The following CPNE8 variants were observed in gnomAD, a reference collection of about 807,000 sequenced individuals.
CPNE8 encodes the protein copine-8.
CPNE8 carries 45 observed loss-of-function variants against 81.5 expected under a neutral mutation model. The ratio of observed to expected loss-of-function variants is 0.55; its 90% CI spans 0.44 to 0.71. CPNE8 has a LOEUF of 0.71. Ranked by LOEUF, CPNE8 falls within the 30% of genes least tolerant of loss-of-function variation. The pLI is 0.00. For synonymous variants in CPNE8, 252 were observed against 226.3 expected, an observed-to-expected ratio of 1.11 and a Z score of -1.02; for missense variants, 594 against 672.1, an observed-to-expected ratio of 0.88 and a Z score of 1.28.
At chr12:38,711,366 T>TGGG (rs1940252308) in intron 13 of CPNE8, among the ~76,000 whole-genome samples, 2 of 152,034 alleles carry the variant, frequency 1.3e-5, no homozygotes, top group Admixed American at 6.6e-5. Flanking sequence ...GACTTTGAAA[T>TGGG]GGAGAGCTCT....
chr12:38,881,689 G>A (rs1481914077), intron 1 of CPNE8, among the ~76,000 whole-genome samples: 2 of 152,166 alleles, frequency 1.3e-5, no homozygotes, highest in African/African-American at 2.4e-5. Context: ...GCATTCAACC[G>A]TGATTGATAT....
At chr12:38,862,993 A>C (rs1349539417) in intron 3 of CPNE8, among the ~76,000 whole-genome samples, 2 of 152,182 alleles carry the variant, frequency 1.3e-5, no homozygotes, top group Admixed American at 1.3e-4. Flanking sequence ...ATGAGAAAAA[A>C]AAATTAGTTG....
intron 14 of CPNE8, among the ~76,000 whole-genome samples, chr12:38,694,123 G>T (rs1375008078): frequency 6.6e-6 from 1 of 152,020 alleles, no homozygotes; most frequent in East Asian, 1.9e-4. Context: ...TGTTCTGGAA[G>T]TATAAAAGTA....
chr12:38,738,561 T>A (rs1758549629), intron 10 of CPNE8, among the ~76,000 whole-genome samples: 1 of 152,160 alleles, frequency 6.6e-6, no homozygotes, highest in African/African-American at 2.4e-5. Context: ...TAAAAGACCA[T>A]CCTACCACTT....
chr12:38,865,232 G>C (rs1943897753), intron 3 of CPNE8, among the ~76,000 whole-genome samples: 1 of 152,186 alleles, frequency 6.6e-6, no homozygotes, highest in South Asian at 2.1e-4. Flanking sequence ...CCATTTGGCA[G>C]TATCTACTGA....
chr12:38,677,916 T>C (rs1216459718), intron 16 of CPNE8, among the ~76,000 whole-genome samples: 1 of 152,126 alleles, frequency 6.6e-6, no homozygotes, highest in African/African-American at 2.4e-5. Flanking sequence ...ACCTAAGCTA[T>C]GTGAAAGTTA....
chr12:38,721,455 G>T (rs189329832), intron 13 of CPNE8, among the ~76,000 whole-genome samples: 2 of 152,050 alleles, frequency 1.3e-5, no homozygotes, highest in Admixed American at 6.5e-5. Context: ...CACTAGGGGC[G>T]CCCTGGCTGC....
In CPNE8 at chr12:38,806,817, C is replaced by G. The variant is rs567722757; in HGVS notation, c.407+22562G>C. On this transcript the variant is annotated intron_variant, in intron 6 of 19. Transcript: ENST00000331366. ...AGGAAAAGAGGAAGTCAAATTGTCC[C>G]TGTTTGCAGATGACATGCTGGTATA... is the stretch of plus-strand genomic sequence containing the variant. Among the ~76,000 whole-genome samples, 143 of 149,638 alleles carry G rather than the reference C, an allele frequency of 9.6e-4. 1 individual carries two copies. The highest frequency in any genetic ancestry group is 3.3e-3 in the African/African-American group (137 of 41,342).
rs143329966 is a variant in CPNE8, at chr12:38,850,962, G to A, written c.187-2300C>T. On this transcript the variant is annotated intron_variant, in intron 3 of 19. Coordinates refer to ENST00000331366, the MANE Select transcript of CPNE8 (RefSeq NM_153634.3). ...TTTAAGAAGTGATTAGGCCATGAGG[G>A]CACCTTTCTCATGAATGGCAGGAAG... 2.7e-3 allele frequency among the ~76,000 whole-genome samples: 415 copies of A among 152,260 alleles called. 4 individuals are homozygous for A. The highest frequency in any genetic ancestry group is 8.5e-3 in the African/African-American group (353 of 41,530).
At chr12:38,848,765 T>C in intron 3 of CPNE8, 103 bp from the exon 4 acceptor site, 3 of 1,347,040 alleles carry the variant, frequency 2.2e-6, no homozygotes, top group Non-Finnish European at 2.9e-6. Context: ...AAGCAATAAA[T>C]ATCCAAATAA....
intron 1 of CPNE8, among the ~76,000 whole-genome samples, chr12:38,876,957 G>A (rs1944076641): frequency 6.6e-6 from 1 of 152,162 alleles, no homozygotes; most frequent in African/African-American, 2.4e-5. Context: ...TTCACATTAA[G>A]TAAAATAAGA....
At chr12:38,889,379 C>T (rs1393731442) in intron 1 of CPNE8, among the ~76,000 whole-genome samples, 2 of 152,134 alleles carry the variant, frequency 1.3e-5, no homozygotes, top group Non-Finnish European at 2.9e-5. Context: ...GAGATAACAA[C>T]GTGAGGCCAA....
At chr12:38,865,339 G>T (rs1943898787) in intron 3 of CPNE8, among the ~76,000 whole-genome samples, 1 of 152,150 alleles carries the variant, frequency 6.6e-6, no homozygotes, top group Non-Finnish European at 1.5e-5. Flanking sequence ...GTACAAGATT[G>T]TTCTAGACAG....
intron 4 of CPNE8, among the ~76,000 whole-genome samples, chr12:38,844,793 G>A (rs1240565431): frequency 6.6e-6 from 1 of 151,972 alleles, no homozygotes; most frequent in Admixed American, 6.6e-5. Context: ...ATAATATCCA[G>A]TTTAGATAAA....
chr12:38,686,312 T>C (rs763797522), intron 15 of CPNE8, among the ~76,000 whole-genome samples: 1 of 152,060 alleles, frequency 6.6e-6, no homozygotes, highest in Non-Finnish European at 1.5e-5. Context: ...AAATGGAGCT[T>C]GTTGTTAAGA....
intron 10 of CPNE8, among the ~76,000 whole-genome samples, chr12:38,730,957 G>A (rs1332695301): frequency 1.3e-5 from 2 of 151,758 alleles, no homozygotes; most frequent in South Asian, 2.1e-4. Flanking sequence ...TGTCTTCTCA[G>A]TTTAGGTGAG....
chr12:38,846,467 T>C (rs147336719), intron 4 of CPNE8, among the ~76,000 whole-genome samples: 53 of 152,188 alleles, frequency 3.5e-4, no homozygotes, highest in Non-Finnish European at 6.3e-4. Flanking sequence ...AAAGTGGCAA[T>C]TGGTGAGTGA....
At chr12:38,713,915 T>C (rs925983004) in intron 13 of CPNE8, among the ~76,000 whole-genome samples, 2 of 152,178 alleles carry the variant, frequency 1.3e-5, no homozygotes, top group African/African-American at 4.8e-5. Context: ...GGATTTCATG[T>C]TGACATGAAA....
intron 15 of CPNE8, 49 bp from the exon 16 acceptor site, chr12:38,685,666 A>T: frequency 6.3e-7 from 1 of 1,578,348 alleles, no homozygotes; most frequent in Non-Finnish European, 8.6e-7. Context: ...TAAAAAAGTA[A>T]ATCTCCATGA....
Sources: gnomAD v4.1 joint callset for allele counts (sites outside exome capture counted in the v4.1 genomes callset) on GRCh38, gnomAD v4.1.1 for gene constraint, MANE v1.5 for transcripts, NCBI Gene and HGNC (gene_info 2026-07-23, HGNC 2026-07-21) for gene names.